Variants in GPHN observed in about 807,000 individuals in gnomAD.
The protein encoded by GPHN is gephyrin.
In GPHN, 17 loss-of-function variants were observed where a neutral mutation model predicts 95.5. The ratio of observed to expected loss-of-function variants is 0.18; its 90% CI spans 0.12 to 0.27. The LOEUF is 0.27. Among genes scored for constraint, GPHN ranks in the 10% least tolerant of loss-of-function variants. The probability of loss-of-function intolerance (pLI) is 1.00; values close to 1 mark genes in which losing one functional copy is unlikely to be tolerated. For missense variants in GPHN, 660 were observed against 978.1 expected, an observed-to-expected ratio of 0.67 and a Z score of 4.34; for synonymous variants, 320 against 322.5, an observed-to-expected ratio of 0.99 and a Z score of 0.08.
the GPHN span, among the ~76,000 whole-genome samples, chr14:67,395,009 T>C: frequency 6.6e-6 from 1 of 152,148 alleles, no homozygotes; most frequent in African/African-American, 2.4e-5. Flanking sequence ...CCAGCCTCTA[T>C]AATGATAAGA....
chr14:66,554,813 T>A lies in GPHN; in HGVS notation c.64+46222T>A, dbSNP rs551563352. ...TTTCATACTGATAAAATGTGTGTGC[T>A]AGGATTTCATACATGCTGGGTTGAA... On this transcript the variant is annotated intron_variant, in intron 1 of 22. Transcript: ENST00000478722. Among the ~76,000 whole-genome samples, 10 of 152,338 alleles carry A rather than the reference T, an allele frequency of 6.6e-5. No individual in the cohort carries two copies. The South Asian group carries it at 2.1e-3, about 32-fold the overall frequency.
the GPHN span, chr14:67,321,352 C>T: frequency 6.8e-3 from 7,886 of 1,167,674 alleles, 52 homozygotes; most frequent in Middle Eastern, 7.2e-3. Flanking sequence ...AAGAACAGCG[C>T]GACCTAATTA....
At chr14:66,739,626 T>C (rs1220410456) in intron 2 of GPHN, among the ~76,000 whole-genome samples, 1 of 151,776 alleles carries the variant, frequency 6.6e-6, no homozygotes, top group Non-Finnish European at 1.5e-5. Context: ...TTCGGACAAC[T>C]GACCAAAACA....
At chr14:66,605,770 G>C (rs947980231) in intron 1 of GPHN, among the ~76,000 whole-genome samples, 1 of 151,974 alleles carries the variant, frequency 6.6e-6, no homozygotes, top group Admixed American at 6.6e-5. Flanking sequence ...CTGACCTCTT[G>C]ATCTGCCCGC....
At chr14:66,525,837 C>T (rs554124080) in intron 1 of GPHN, among the ~76,000 whole-genome samples, 45 of 152,080 alleles carry the variant, frequency 3.0e-4, no homozygotes, top group Non-Finnish European at 3.7e-4. Flanking sequence ...TCTGTTCCAT[C>T]GGTTTATATA....
At chr14:67,331,018 T>A in the GPHN span, among the ~76,000 whole-genome samples, 2 of 152,060 alleles carry the variant, frequency 1.3e-5, no homozygotes, top group African/African-American at 4.8e-5. Context: ...ATTGTATTTA[T>A]TCTACTTAAG....
At chr14:67,365,157 G>A in the GPHN span, 1 of 827,694 alleles carries the variant, frequency 1.2e-6, no homozygotes, top group East Asian at 2.8e-5. Context: ...AGAAAAGGAT[G>A]CCAATTAGCT....
downstream of GPHN, among the ~76,000 whole-genome samples, chr14:67,186,476 A>G (rs1239172976): frequency 2.0e-5 from 3 of 152,208 alleles, no homozygotes; most frequent in African/African-American, 7.2e-5. Flanking sequence ...CACAGATATC[A>G]GAGACAACTA....
At chr14:67,263,600 G>A in the GPHN span, among the ~76,000 whole-genome samples, 1 of 152,162 alleles carries the variant, frequency 6.6e-6, no homozygotes, top group South Asian at 2.1e-4. Flanking sequence ...ACAGTTAAAT[G>A]CTTCTGTTCT....
rs549934460 is a variant in GPHN, at chr14:66,780,636, C to T, written c.201+4115C>T. Among the ~76,000 whole-genome samples, 20 of 151,330 alleles carry T rather than the reference C, an allele frequency of 1.3e-4. No individual in the cohort carries two copies. The South Asian group carries it at 3.8e-3, about 28-fold the overall frequency. On this transcript the variant is annotated intron_variant, in intron 3 of 22. Transcript: ENST00000478722. The stretch of plus-strand genomic sequence containing the variant: ...TGGATGATATGTAACATAATTTTTC[C>T]GTCGATTACTGGTATTATATCTAAA...
At chr14:67,593,691 G>A in the GPHN span, 3 of 1,043,458 alleles carry the variant, frequency 2.9e-6, no homozygotes, top group Non-Finnish European at 4.5e-6. Flanking sequence ...CATCCCATGG[G>A]CTGGCTACCT....
chr14:67,260,563 T>G, the GPHN span, among the ~76,000 whole-genome samples: 1 of 152,122 alleles, frequency 6.6e-6, no homozygotes, highest in Non-Finnish European at 1.5e-5. Context: ...AAGGGTAGTT[T>G]GTAGAGGAGA....
At chr14:67,570,341 A>G in the GPHN span, 1 of 1,026,094 alleles carries the variant, frequency 9.7e-7, no homozygotes. Context: ...TTACTGAGGT[A>G]TATTCCAACT....
intron 2 of GPHN, among the ~76,000 whole-genome samples, chr14:66,768,334 T>C (rs1388694132): frequency 6.6e-6 from 1 of 151,958 alleles, no homozygotes; most frequent in Non-Finnish European, 1.5e-5. Flanking sequence ...TTAGAATAGA[T>C]TACCAGATGA....
At chr14:66,852,999 A>C (rs936064369) in intron 4 of GPHN, among the ~76,000 whole-genome samples, 1 of 152,208 alleles carries the variant, frequency 6.6e-6, no homozygotes, top group Non-Finnish European at 1.5e-5. Flanking sequence ...TTTTTGCATT[A>C]ATTGGTGAAA....
chr14:66,754,646 A>T (rs1056659110), intron 2 of GPHN, among the ~76,000 whole-genome samples: 2 of 152,004 alleles, frequency 1.3e-5, no homozygotes, highest in Non-Finnish European at 2.9e-5. Flanking sequence ...ATTATTAAAT[A>T]ATTAAATTTT....
the GPHN span, among the ~76,000 whole-genome samples, chr14:67,362,498 T>G: frequency 6.6e-6 from 1 of 152,206 alleles, no homozygotes; most frequent in Non-Finnish European, 1.5e-5. Context: ...ATACCCTCAG[T>G]AAACCTGTGA....
the GPHN span, among the ~76,000 whole-genome samples, chr14:67,491,543 G>A: frequency 3.9e-5 from 6 of 152,200 alleles, no homozygotes; most frequent in African/African-American, 1.4e-4. Context: ...TTTCACTCAG[G>A]AAATTTCAAG....
intron 1 of GPHN, among the ~76,000 whole-genome samples, chr14:66,619,300 C>G (rs1236755470): frequency 1.3e-5 from 2 of 152,246 alleles, no homozygotes; most frequent in Non-Finnish European, 2.9e-5. Context: ...TAAGAAACTG[C>G]TAAATTGTTT....
Sources: gnomAD v4.1 joint callset for allele counts (sites outside exome capture counted in the v4.1 genomes callset) on GRCh38, gnomAD v4.1.1 for gene constraint, MANE v1.5 for transcripts, NCBI Gene and HGNC (gene_info 2026-07-23, HGNC 2026-07-21) for gene names.